PDCD10: variants seen among roughly 807,000 people sequenced by gnomAD.
The protein encoded by PDCD10 is programmed cell death 10.
Under a neutral mutation model 29.2 loss-of-function variants are expected in PDCD10, and 4 were observed. The ratio of observed to expected loss-of-function variants is 0.14; its 90% CI spans 0.07 to 0.31. The LOEUF (loss-of-function observed/expected upper bound fraction) is 0.31. PDCD10 is among the 10% of genes least tolerant of loss of function. The probability of loss-of-function intolerance (pLI) is 1.00; values close to 1 mark genes in which losing one functional copy is unlikely to be tolerated. For synonymous variants in PDCD10, 70 were observed against 82.2 expected (o/e 0.85, Z 0.80); for missense variants, 183 against 257.9 (o/e 0.71, Z 1.99).
At chr3:167,733,009 CT>C (rs1375501210) in intron 2 of PDCD10, among the ~76,000 whole-genome samples, 1 of 152,160 alleles carries the variant, frequency 6.6e-6, no homozygotes, top group African/African-American at 2.4e-5. Flanking sequence ...TAGTATCATA[CT>C]TTTTCTATTT....
chr3:167,701,484 C>T (rs561446084), intron 4 of PDCD10, among the ~76,000 whole-genome samples: 21 of 152,298 alleles, frequency 1.4e-4, no homozygotes, highest in South Asian at 1.0e-3. Flanking sequence ...CATGGGCCTC[C>T]GCACCTAGCC....
At chr3:167,725,730 G>GT (rs973348180) in intron 2 of PDCD10, among the ~76,000 whole-genome samples, 8 of 131,698 alleles carry the variant, frequency 6.1e-5, no homozygotes, top group African/African-American at 2.2e-4. Context: ...CTTGTTAATG[G>GT]TAAGTGTATA....
At chr3:167,720,645 T>C (rs1723474222) in intron 2 of PDCD10, among the ~76,000 whole-genome samples, 1 of 152,022 alleles carries the variant, frequency 6.6e-6, no homozygotes, top group Non-Finnish European at 1.5e-5. Context: ...TAATATAAAA[T>C]TATAATCAGG....
intron 3 of PDCD10, among the ~76,000 whole-genome samples, chr3:167,715,981 TG>T (rs2108471335): frequency 6.6e-6 from 1 of 152,140 alleles, no homozygotes; most frequent in Non-Finnish European, 1.5e-5. Context: ...CCATGTTTGC[TG>T]CAGCATTGTT....
intron 2 of PDCD10, among the ~76,000 whole-genome samples, chr3:167,727,981 T>C (rs1319333400): frequency 2.0e-5 from 3 of 152,206 alleles, no homozygotes; most frequent in Non-Finnish European, 2.9e-5. Context: ...ACATTTAACT[T>C]TACCTTTAGC....
At chr3:167,719,814 T>C (rs1723392069) in intron 3 of PDCD10, among the ~76,000 whole-genome samples, 1 of 152,108 alleles carries the variant, frequency 6.6e-6, no homozygotes, top group Non-Finnish European at 1.5e-5. Context: ...ATCACCATTG[T>C]TCATTCATAT....
chr3:167,697,227 A>G, intron 4 of PDCD10, 101 bp from the exon 5 acceptor site: 2 of 717,114 alleles, frequency 2.8e-6, no homozygotes, highest in Non-Finnish European at 5.0e-6. Flanking sequence ...TCTTACACTG[A>G]TAACTTTTAA....
chr3:167,690,310 G>C (rs183611847), intron 6 of PDCD10, among the ~76,000 whole-genome samples: 1 of 152,182 alleles, frequency 6.6e-6, no homozygotes, highest in South Asian at 2.1e-4. Flanking sequence ...TGCATGATAC[G>C]CATTTATGCA....
At chr3:167,686,010 C>A (rs1719582918) in intron 8 of PDCD10, among the ~76,000 whole-genome samples, 1 of 152,092 alleles carries the variant, frequency 6.6e-6, no homozygotes, top group Non-Finnish European at 1.5e-5. Context: ...GTATTTTTAT[C>A]ATTTTTAAAT....
At chr3:167,692,512 G>T (rs1023838952) in intron 6 of PDCD10, among the ~76,000 whole-genome samples, 1 of 152,188 alleles carries the variant, frequency 6.6e-6, no homozygotes, top group Non-Finnish European at 1.5e-5. Flanking sequence ...AATTAGGGAT[G>T]CTCAACTTGT....
chr3:167,729,628 G>A (rs1235560442), intron 2 of PDCD10, among the ~76,000 whole-genome samples: 1 of 152,162 alleles, frequency 6.6e-6, no homozygotes, highest in African/African-American at 2.4e-5. Context: ...AAGAGATCCT[G>A]TAAAATGCTT....
chr3:167,689,159 A>G (rs967445796), intron 6 of PDCD10, among the ~76,000 whole-genome samples: 3 of 152,152 alleles, frequency 2.0e-5, no homozygotes, highest in African/African-American at 7.2e-5. Context: ...CTGGTTTAGT[A>G]ACAGCAGTTT....
At chr3:167,712,392 C>G (rs1722607465) in intron 3 of PDCD10, among the ~76,000 whole-genome samples, 1 of 151,850 alleles carries the variant, frequency 6.6e-6, no homozygotes, top group African/African-American at 2.4e-5. Context: ...GATAAGCTGA[C>G]ATCAGTTTGA....
At chr3:167,710,616 C>CAAATTATCATA (rs1722433233) in intron 3 of PDCD10, among the ~76,000 whole-genome samples, 1 of 152,172 alleles carries the variant, frequency 6.6e-6, no homozygotes, top group Non-Finnish European at 1.5e-5. Context: ...CCATCTGGGG[C>CAAATTATCATA]CTGGGGAAAT....
chr3:167,691,004 G>A (rs911557228), intron 6 of PDCD10, among the ~76,000 whole-genome samples: 3 of 152,168 alleles, frequency 2.0e-5, no homozygotes, highest in African/African-American at 4.8e-5. Context: ...ATCACCTATA[G>A]TACTTGGTGT....
chr3:167,709,056 A>G (rs957385340), intron 3 of PDCD10, among the ~76,000 whole-genome samples: 4 of 152,148 alleles, frequency 2.6e-5, no homozygotes, highest in African/African-American at 9.7e-5. Context: ...TCACTTCCTG[A>G]TGGTAGGATT....
chr3:167,687,404 G>A (rs1037101442), intron 7 of PDCD10, 88 bp from the exon 8 acceptor site: 1 of 814,032 alleles, frequency 1.2e-6, no homozygotes, highest in African/African-American at 1.7e-5. Context: ...GATTACACAG[G>A]ATATGGGATG....
intron 8 of PDCD10, among the ~76,000 whole-genome samples, chr3:167,686,133 A>T (rs921261088): frequency 1.3e-5 from 2 of 152,112 alleles, no homozygotes; most frequent in Non-Finnish European, 2.9e-5. Context: ...AAGCACTGTT[A>T]AAAAATAATC....
intron 3 of PDCD10, among the ~76,000 whole-genome samples, chr3:167,707,790 T>C (rs1034540682): frequency 1.3e-5 from 2 of 152,150 alleles, no homozygotes; most frequent in Admixed American, 1.3e-4. Flanking sequence ...AAGGAGGAAA[T>C]TGTGACTGCA....
Sources: allele counts gnomAD v4.1 joint callset (sites outside exome capture counted in the v4.1 genomes callset), GRCh38; gene constraint gnomAD v4.1.1; transcripts MANE v1.5; gene names NCBI Gene and HGNC (gene_info 2026-07-23, HGNC 2026-07-21).